RNFT2: variants seen among roughly 807,000 people sequenced by gnomAD.
RNFT2 encodes the protein E3 ubiquitin-protein ligase RNFT2.
RNFT2 carries 36 observed loss-of-function variants against 53.0 expected under a neutral mutation model. The observed-to-expected ratio is 0.68, with a 90% CI of 0.52 to 0.90. RNFT2 has a LOEUF of 0.90. RNFT2 is among the 40% of genes least tolerant of loss of function. The pLI, the probability that RNFT2 is intolerant of heterozygous loss-of-function variation, is 0.00. For synonymous variants in RNFT2, 260 were observed against 253.2 expected (o/e 1.03, Z -0.26); for missense variants, 514 against 585.6 (o/e 0.88, Z 1.26).
rs1387050805 is a variant in RNFT2 at position 116,784,789 on chromosome 12, C to T, written c.882+5441C>T. Reference sequence around the variant, plus strand: ...GCCCATCCTCCTTCTATATCTCCACCGTCACCACCCTAGTGCTCGCCACCA... The same window carrying T: ...GCCCATCCTCCTTCTATATCTCCACTGTCACCACCCTAGTGCTCGCCACCA... On this transcript the variant is annotated intron_variant, in intron 7 of 10. Transcript: ENST00000257575. Among the ~76,000 whole-genome samples the T allele has an allele frequency of 2.6e-5, 4 of 152,204 alleles. No homozygotes were observed. In the East Asian group the frequency reaches 7.7e-4, roughly 29 times the overall value.
At chr12:116,741,543 AG>A (rs1381416991) in intron 3 of RNFT2, among the ~76,000 whole-genome samples, 2 of 152,220 alleles carry the variant, frequency 1.3e-5, no homozygotes, top group Non-Finnish European at 1.5e-5. Flanking sequence ...GTGAAGGGAA[AG>A]GGATCTCTCT....
chr12:116,774,934 A>AAGAGAGAGAG (rs113761307), intron 6 of RNFT2, among the ~76,000 whole-genome samples: 1 of 147,834 alleles, frequency 6.8e-6, no homozygotes, highest in African/African-American at 2.5e-5. Flanking sequence ...GGTGCACAGA[A>AAGAGAGAGAG]AGAGAGAGAG....
chr12:116,833,960 T>C lies in RNFT2; in HGVS notation c.1032+19T>C, dbSNP rs753163992. 4.4e-6 allele frequency: 7 copies of C among 1,583,730 alleles called. No individual in the cohort carries two copies. The East Asian group carries it at 1.4e-4, about 31-fold the overall frequency. On this transcript the variant is annotated intron_variant, in intron 8 of 10. Transcript: ENST00000257575. Reference sequence around the variant, plus strand: ...CTGCAAGGTGAGGTGGCCCCAAGGCTGGAGGGCCGGCCTAAGGAGGGCCCC... The same window carrying C: ...CTGCAAGGTGAGGTGGCCCCAAGGCCGGAGGGCCGGCCTAAGGAGGGCCCC...
chr12:116,828,416 C>T (rs565646612), intron 7 of RNFT2, among the ~76,000 whole-genome samples: 1 of 152,150 alleles, frequency 6.6e-6, no homozygotes, highest in Non-Finnish European at 1.5e-5. Context: ...TTCTCTTAGA[C>T]TTTGTTGATC....
intron 7 of RNFT2, among the ~76,000 whole-genome samples, chr12:116,833,167 C>T (rs558894451): frequency 3.9e-5 from 6 of 152,096 alleles, no homozygotes; most frequent in Non-Finnish European, 8.8e-5. Flanking sequence ...GATCCACCTG[C>T]CTGGGCCTCC....
At chr12:116,743,064 G>A (rs1314280801) in intron 3 of RNFT2, among the ~76,000 whole-genome samples, 3 of 100,324 alleles carry the variant, frequency 3.0e-5, no homozygotes, top group Non-Finnish European at 5.4e-5. Flanking sequence ...CTGGGCAACA[G>A]AGTGAGACCC....
At chr12:116,760,189 T>C (rs997199699) in intron 5 of RNFT2, among the ~76,000 whole-genome samples, 1 of 152,064 alleles carries the variant, frequency 6.6e-6, no homozygotes, top group Non-Finnish European at 1.5e-5. Context: ...CCGGTCTCAC[T>C]CCCACCATGC....
At chr12:116,804,917 C>T (rs1410877907) in intron 7 of RNFT2, among the ~76,000 whole-genome samples, 3 of 152,118 alleles carry the variant, frequency 2.0e-5, no homozygotes, top group Admixed American at 6.5e-5. Context: ...CAGTGATCCA[C>T]GATTACACCA....
intron 10 of RNFT2, among the ~76,000 whole-genome samples, chr12:116,846,423 A>C (rs1302183113): frequency 9.3e-6 from 1 of 107,216 alleles, no homozygotes; most frequent in Non-Finnish European, 1.9e-5. Flanking sequence ...GGCACATGCC[A>C]CCATGCCCAG....
intron 6 of RNFT2, among the ~76,000 whole-genome samples, chr12:116,768,002 G>T (rs1022185439): frequency 2.0e-5 from 3 of 151,792 alleles, no homozygotes; most frequent in African/African-American, 7.3e-5. Flanking sequence ...AATAGTGCAG[G>T]TCTGGAATAT....
chr12:116,821,855 C>T (rs1398561443), intron 7 of RNFT2, among the ~76,000 whole-genome samples: 19 of 121,626 alleles, frequency 1.6e-4, no homozygotes, highest in African/African-American at 6.9e-4. Flanking sequence ...CTTACTCTGT[C>T]GCCCAGGCTG....
At chr12:116,772,127 T>G (rs760897001) in intron 6 of RNFT2, among the ~76,000 whole-genome samples, 6 of 152,188 alleles carry the variant, frequency 3.9e-5, no homozygotes, top group African/African-American at 7.2e-5. Context: ...AGTCTTGCTC[T>G]GTTGCCCTAG....
In RNFT2 at chr12:116,852,189, C is replaced by T. The variant is rs1247130277; in HGVS notation, c.*2741C>T. ...TCTCTTATTGTCAACCTCAGCACAA[C>T]AGGCTGGCGCCAATGGCATTACAGA... is the stretch of plus-strand genomic sequence containing the variant. On this transcript the variant is annotated 3_prime_UTR_variant, in exon 11 of 11. Transcript: ENST00000257575. 1 of 1,208,158 alleles carries T rather than the reference C, an allele frequency of 8.3e-7. No homozygotes were observed. 74.8% of individuals were successfully genotyped at this position (1,208,158 alleles called of 1,614,324 possible).
In RNFT2 at chr12:116,849,665, G is replaced by A. The variant is rs1264304155; in HGVS notation, c.*217G>A. 1 of 1,273,962 alleles carries A rather than the reference G, an allele frequency of 7.8e-7. No homozygotes were observed. Among genetic ancestry groups the A allele is most frequent in the East Asian group, 2.9e-5 (1 of 34,774 alleles). The allele number at this position is 1,273,962 out of a possible 1,614,324, so 78.9% of individuals were successfully genotyped here. A position where few individuals can be genotyped will look rare whatever the true frequency, so the allele number is the denominator to read the frequency against. ...GTGCGTGCCTCCTTCCCCTGCAAAAGGGGACGTCTTCCTAACTCAGACTTG... is the reference window on the plus strand; with the variant it reads ...GTGCGTGCCTCCTTCCCCTGCAAAAAGGGACGTCTTCCTAACTCAGACTTG... On this transcript the variant is annotated 3_prime_UTR_variant, in exon 11 of 11. Transcript: ENST00000257575.
intron 7 of RNFT2, among the ~76,000 whole-genome samples, chr12:116,786,795 T>A (rs865850922): frequency 6.6e-6 from 1 of 152,178 alleles, no homozygotes; most frequent in Admixed American, 6.5e-5. Flanking sequence ...AAAATCAAGG[T>A]GTCAGCGGGG....
intron 7 of RNFT2, among the ~76,000 whole-genome samples, chr12:116,781,747 C>A (rs1873709329): frequency 6.6e-6 from 1 of 152,052 alleles, no homozygotes; most frequent in East Asian, 1.9e-4. Flanking sequence ...GTCTCTTTTG[C>A]CACAGAAGGT....
chr12:116,827,748 A>G (rs1234438082), intron 7 of RNFT2, among the ~76,000 whole-genome samples: 1 of 152,206 alleles, frequency 6.6e-6, no homozygotes, highest in Non-Finnish European at 1.5e-5. Context: ...TTGTAGAAAA[A>G]GTTTGCCAAC....
At position 116,851,608 on chromosome 12, in the gene RNFT2, C is replaced by T. The variant is rs181020421; in HGVS notation, c.*2160C>T. ...TACAAAAATTAGCCGGGCGCGGTGG[C>T]GGGTGCCTGTAATCCCAGCTACTCA... On this transcript the variant is annotated 3_prime_UTR_variant, in exon 11 of 11. Transcript: ENST00000257575. 1.6e-3 allele frequency: 958 copies of T among 601,008 alleles called. 8 individuals carry two copies. In the African/African-American group the frequency reaches 0.016, roughly 10 times the overall value. 37.2% of individuals were successfully genotyped at this position (601,008 alleles called of 1,614,324 possible).
chr12:116,828,526 G>A (rs1396220173), intron 7 of RNFT2, among the ~76,000 whole-genome samples: 1 of 152,148 alleles, frequency 6.6e-6, no homozygotes, highest in Non-Finnish European at 1.5e-5. Flanking sequence ...GCTTAGTGAT[G>A]GTCTTCCTCA....
Sources: gnomAD v4.1 joint callset for allele counts (sites outside exome capture counted in the v4.1 genomes callset) on GRCh38, gnomAD v4.1.1 for gene constraint, MANE v1.5 for transcripts, NCBI Gene and HGNC (gene_info 2026-07-23, HGNC 2026-07-21) for gene names.